OLFM3: variants seen among roughly 807,000 people sequenced by gnomAD.
OLFM3 encodes noelin-3.
In OLFM3, 20 loss-of-function variants were observed where a neutral mutation model predicts 48.6. The ratio of observed to expected loss-of-function variants is 0.41; its 90% confidence interval spans 0.29 to 0.60. The LOEUF (loss-of-function observed/expected upper bound fraction) is 0.60. Ranked by LOEUF, OLFM3 falls within the 20% of genes least tolerant of loss-of-function variation. The pLI, the probability that OLFM3 is intolerant of heterozygous loss-of-function variation, is 0.28. For missense variants in OLFM3, 437 were observed against 544.3 expected (o/e 0.80, Z 1.96); for synonymous variants, 222 against 198.1 (o/e 1.12, Z -1.01).
At chr1:101,829,947 G>T (rs972136125) in intron 3 of OLFM3, among the ~76,000 whole-genome samples, 3 of 151,682 alleles carry the variant, frequency 2.0e-5, no homozygotes, top group African/African-American at 7.3e-5. Flanking sequence ...CCATCCTCCT[G>T]CCTCAGCCTC....
chr1:101,909,722 TTAGA>T (rs1191073894), intron 1 of OLFM3, among the ~76,000 whole-genome samples: 1 of 152,200 alleles, frequency 6.6e-6, no homozygotes, highest in Non-Finnish European at 1.5e-5. Context: ...TATATTACAG[TTAGA>T]TAGTTATACT....
At chr1:101,886,805 A>G (rs1657778430) in intron 1 of OLFM3, among the ~76,000 whole-genome samples, 2 of 152,088 alleles carry the variant, frequency 1.3e-5, no homozygotes, top group Non-Finnish European at 2.9e-5. Flanking sequence ...ACACTCCTTT[A>G]CCAGATTACT....
chr1:101,836,802 A>T, intron 2 of OLFM3, 77 bp downstream of exon 2: 1 of 1,407,050 alleles, frequency 7.1e-7, no homozygotes. Flanking sequence ...CTTCATTATT[A>T]TCGGCTCTAC....
intron 1 of OLFM3, among the ~76,000 whole-genome samples, chr1:101,908,891 A>C (rs1027719835): frequency 6.6e-6 from 1 of 152,238 alleles, no homozygotes; most frequent in Non-Finnish European, 1.5e-5. Context: ...TACAGGGTTT[A>C]GAGGCCATAC....
At chr1:101,935,075 C>G (rs1405979340) in intron 1 of OLFM3, among the ~76,000 whole-genome samples, 1 of 151,700 alleles carries the variant, frequency 6.6e-6, no homozygotes, top group African/African-American at 2.4e-5. Context: ...GAAACAAGAG[C>G]AAACCCACCC....
At chr1:101,815,316 G>A (rs565101516) in intron 4 of OLFM3, among the ~76,000 whole-genome samples, 30 of 151,892 alleles carry the variant, frequency 2.0e-4, no homozygotes, top group Non-Finnish European at 4.0e-4. Flanking sequence ...GCGTAGTGGC[G>A]GGCACCTGTA....
At chr1:101,806,006 AAT>A in intron 5 of OLFM3, 68 bp downstream of exon 5, 1 of 1,108,780 alleles carries the variant, frequency 9.0e-7, no homozygotes, top group Non-Finnish European at 1.3e-6. Flanking sequence ...GAAGAAAATG[AAT>A]AGTCCAGAAG....
chr1:101,969,599 T>A (rs1660724132), intron 1 of OLFM3, among the ~76,000 whole-genome samples: 2 of 152,240 alleles, frequency 1.3e-5, no homozygotes. Flanking sequence ...TTATTCAGAC[T>A]TTAATAATAT....
intron 1 of OLFM3, among the ~76,000 whole-genome samples, chr1:101,841,807 G>A (rs1655734627): frequency 6.6e-6 from 1 of 152,156 alleles, no homozygotes; most frequent in Non-Finnish European, 1.5e-5. Context: ...GACAAAAAGG[G>A]ATATAGCTAC....
chr1:101,949,353 A>G (rs958566400), intron 1 of OLFM3, among the ~76,000 whole-genome samples: 3 of 152,130 alleles, frequency 2.0e-5, no homozygotes, highest in African/African-American at 7.2e-5. Flanking sequence ...CACTCCCTAA[A>G]TGAGTTCATG....
intron 2 of OLFM3, among the ~76,000 whole-genome samples, chr1:101,832,273 A>G (rs1655196385): frequency 6.6e-6 from 1 of 152,254 alleles, no homozygotes. Context: ...CATGTGATTT[A>G]CAAAGGGATG....
chr1:101,996,659 C>T, intron 1 of OLFM3, 89 bp downstream of exon 1: 1 of 1,356,886 alleles, frequency 7.4e-7, no homozygotes, highest in Non-Finnish European at 1.1e-6. Context: ...TGTCTCTCGT[C>T]CCGTTTTTGA....
chr1:101,893,250 G>GA (rs929849547), intron 1 of OLFM3: 2,503 of 270,238 alleles, frequency 9.3e-3, no homozygotes, highest in South Asian at 0.018. Context: ...CAGAGGTGGG[G>GA]AAAAAAAAAA....
At chr1:101,829,667 T>C (rs1210261767) in intron 3 of OLFM3, among the ~76,000 whole-genome samples, 1 of 152,220 alleles carries the variant, frequency 6.6e-6, no homozygotes, top group Admixed American at 6.5e-5. Context: ...TGAGTTCAGA[T>C]CCACTCCCTC....
intron 1 of OLFM3, among the ~76,000 whole-genome samples, chr1:101,933,526 A>G (rs970412342): frequency 6.6e-6 from 1 of 152,144 alleles, no homozygotes; most frequent in African/African-American, 2.4e-5. Flanking sequence ...AAAGCAAGCA[A>G]CTTAGAAAGC....
At chr1:101,978,362 A>G (rs952597980) in intron 1 of OLFM3, among the ~76,000 whole-genome samples, 5 of 152,162 alleles carry the variant, frequency 3.3e-5, no homozygotes, top group Non-Finnish European at 7.4e-5. Flanking sequence ...CTTAGAGTAA[A>G]TGAAATTTTC....
chr1:101,912,305 C>T (rs551525721), intron 1 of OLFM3, among the ~76,000 whole-genome samples: 1 of 152,166 alleles, frequency 6.6e-6, no homozygotes, highest in Non-Finnish European at 1.5e-5. Context: ...TAAATCTCAA[C>T]TAATAGGAGA....
At chr1:101,851,931 G>C (rs146932792) in intron 1 of OLFM3, among the ~76,000 whole-genome samples, 184 of 152,200 alleles carry the variant, frequency 1.2e-3, no homozygotes, top group Middle Eastern at 3.4e-3. Context: ...CTTTAGGACA[G>C]GACAAAATAG....
intron 1 of OLFM3, among the ~76,000 whole-genome samples, chr1:101,846,548 T>C (rs1656001963): frequency 6.6e-6 from 1 of 151,880 alleles, no homozygotes; most frequent in Non-Finnish European, 1.5e-5. Context: ...AACATATATA[T>C]ATATATATTT....
Sources: allele counts gnomAD v4.1 joint callset (sites outside exome capture counted in the v4.1 genomes callset), GRCh38; gene constraint gnomAD v4.1.1; transcripts MANE v1.5; gene names NCBI Gene and HGNC (gene_info 2026-07-23, HGNC 2026-07-21).